Variants in SLCO1C1 observed in about 807,000 individuals in gnomAD.
SLCO1C1 encodes the protein solute carrier organic anion transporter family member 1C1, also known as OAT-RP-5.
A neutral mutation model predicts 76.4 loss-of-function variants in SLCO1C1; 70 were observed. That is an observed-to-expected ratio of 0.92 (90% CI 0.76 to 1.12). SLCO1C1 has a LOEUF of 1.12. Ranked by LOEUF, SLCO1C1 falls within the 50% of genes most tolerant of loss-of-function variation. The pLI is 0.00. For missense variants in SLCO1C1, 912 were observed against 823.8 expected, an observed-to-expected ratio of 1.11 and a Z score of -1.31; for synonymous variants, 306 against 286.1, an observed-to-expected ratio of 1.07 and a Z score of -0.70.
intron 1 of SLCO1C1, among the ~76,000 whole-genome samples, chr12:20,698,267 TTCAC>T (rs1392275483): frequency 2.0e-5 from 3 of 151,432 alleles, no homozygotes; most frequent in Non-Finnish European, 4.4e-5. Context: ...ATTTTTCTCT[TTCAC>T]TCACTCTTCT....
At chr12:20,717,903 C>T (rs545149405) in intron 7 of SLCO1C1, among the ~76,000 whole-genome samples, 2 of 151,662 alleles carry the variant, frequency 1.3e-5, no homozygotes, top group South Asian at 2.1e-4. Flanking sequence ...CCAAGAGATC[C>T]GTTATAAACT....
intron 13 of SLCO1C1, 54 bp downstream of exon 13, chr12:20,743,423 G>A: frequency 7.1e-7 from 1 of 1,406,244 alleles, no homozygotes; most frequent in Non-Finnish European, 9.9e-7. Flanking sequence ...GTATTTTGAA[G>A]ACTTTTCTAA....
chr12:20,700,925 G>A (rs181341466), intron 2 of SLCO1C1, among the ~76,000 whole-genome samples: 22 of 152,046 alleles, frequency 1.4e-4, no homozygotes, highest in Middle Eastern at 6.8e-3. Flanking sequence ...CCCAAGTGCT[G>A]GACTTGTTAT....
At chr12:20,711,611 G>A (rs1313656523) in intron 5 of SLCO1C1, 101 bp downstream of exon 5, 1 of 1,257,796 alleles carries the variant, frequency 8.0e-7, no homozygotes, top group Non-Finnish European at 1.1e-6. Context: ...GCTCCCAAAA[G>A]CTTTACTACT....
intron 1 of SLCO1C1, 123 bp downstream of exon 1, chr12:20,695,930 T>C (rs1241063525): frequency 6.6e-6 from 1 of 152,080 alleles, no homozygotes; most frequent in East Asian, 1.9e-4. Flanking sequence ...AAGGTGATGA[T>C]CCCCTCATTA....
chr12:20,750,934 A>C (rs543266467), intron 14 of SLCO1C1, 142 bp downstream of exon 14: 2 of 1,446,206 alleles, frequency 1.4e-6, no homozygotes, highest in South Asian at 2.5e-5. Flanking sequence ...ATCTGTAGTC[A>C]TAGAATAATT....
At chr12:20,704,027 T>TA (rs1201197858) in intron 3 of SLCO1C1, among the ~76,000 whole-genome samples, 1 of 150,938 alleles carries the variant, frequency 6.6e-6, no homozygotes, top group Non-Finnish European at 1.5e-5. Flanking sequence ...AAGAATATGT[T>TA]ACTTTAAAGT....
Position 20,752,306 on chromosome 12 carries a change from A to G in SLCO1C1, c.1917A>G (p.Arg639=), listed in dbSNP as rs778242811. Residue 639 remains arginine (R), a splice_region_variant and synonymous_variant, in exon 15 of 15, where the codon AGA becomes AGG. Coordinates refer to ENST00000266509, the MANE Select transcript of SLCO1C1 (RefSeq NM_017435.5). ...TAACAGAGATTCTCTCTTCTTCTAG[A>G]CATATATATCTGGGACTAACTGTGA... is the stretch of plus-strand genomic sequence containing the variant. The part of the protein sequence containing the change: ...SCRLYDSNVF[R]HIYLGLTVIL... 4 of 1,549,368 alleles carry G rather than the reference A, an allele frequency of 2.6e-6. No individual in the cohort carries two copies. Among genetic ancestry groups the G allele is most frequent in the Non-Finnish European group, 3.5e-6 (4 of 1,141,676 alleles).
intron 9 of SLCO1C1, among the ~76,000 whole-genome samples, chr12:20,723,692 T>A (rs1394116650): frequency 6.6e-6 from 1 of 152,174 alleles, no homozygotes; most frequent in African/African-American, 2.4e-5. Flanking sequence ...CAAAGGGTTG[T>A]GTTTCTAGCA....
chr12:20,745,294 G>A (rs1199570972), intron 13 of SLCO1C1, among the ~76,000 whole-genome samples: 2 of 152,098 alleles, frequency 1.3e-5, no homozygotes, highest in Admixed American at 6.5e-5. Context: ...AACTGAAACT[G>A]TTTAACATAA....
intron 9 of SLCO1C1, among the ~76,000 whole-genome samples, chr12:20,726,223 C>A (rs1222592223): frequency 6.6e-6 from 1 of 151,004 alleles, no homozygotes; most frequent in Non-Finnish European, 1.5e-5. Flanking sequence ...TCTTTCTTTT[C>A]TTCTTCTATT....
chr12:20,736,990 A>G (rs1007568625), intron 10 of SLCO1C1, 117 bp from the exon 11 acceptor site: 7 of 898,006 alleles, frequency 7.8e-6, no homozygotes, highest in Non-Finnish European at 1.1e-5. Flanking sequence ...CTGTGTTTCT[A>G]AAAGGCAAAT....
At chr12:20,743,147 G>A (rs532718258) in intron 12 of SLCO1C1, among the ~76,000 whole-genome samples, 158 bp from the exon 13 acceptor site, 5 of 152,188 alleles carry the variant, frequency 3.3e-5, no homozygotes, top group South Asian at 4.1e-4. Flanking sequence ...TGGCTTTTAC[G>A]TATTTTGCCC....
chr12:20,742,230 T>A (rs1948847432), intron 12 of SLCO1C1, among the ~76,000 whole-genome samples: 2 of 152,168 alleles, frequency 1.3e-5, no homozygotes, highest in Admixed American at 6.6e-5. Flanking sequence ...TAGAATCAGG[T>A]TGCTTACCAC....
At chr12:20,740,426 T>A in intron 12 of SLCO1C1, 58 bp downstream of exon 12, 1 of 1,483,470 alleles carries the variant, frequency 6.7e-7, no homozygotes, top group Non-Finnish European at 9.1e-7. Flanking sequence ...TCTCGAGCAA[T>A]GATTTAAATT....
At chr12:20,751,178 T>C (rs1028335443) in intron 14 of SLCO1C1, among the ~76,000 whole-genome samples, 1 of 152,166 alleles carries the variant, frequency 6.6e-6, no homozygotes, top group Non-Finnish European at 1.5e-5. Flanking sequence ...CTGTACCACT[T>C]ACGTCAGATA....
intron 9 of SLCO1C1, among the ~76,000 whole-genome samples, chr12:20,726,457 T>C (rs1948003204): frequency 1.3e-5 from 2 of 152,124 alleles, no homozygotes; most frequent in African/African-American, 4.8e-5. Context: ...TTTTAAATGT[T>C]AGCCACATTC....
chr12:20,714,652 A>G (rs1455875802), intron 5 of SLCO1C1, among the ~76,000 whole-genome samples: 1 of 152,252 alleles, frequency 6.6e-6, no homozygotes, highest in Non-Finnish European at 1.5e-5. Context: ...AATATCAACC[A>G]TATAAAAATT....
intron 13 of SLCO1C1, among the ~76,000 whole-genome samples, chr12:20,745,056 T>C (rs1948979978): frequency 1.3e-5 from 2 of 152,180 alleles, no homozygotes; most frequent in Non-Finnish European, 2.9e-5. Context: ...AAGGTGGAAA[T>C]ATTATATGCA....
Sources: gnomAD v4.1 joint callset for allele counts (sites outside exome capture counted in the v4.1 genomes callset) on GRCh38, gnomAD v4.1.1 for gene constraint, MANE v1.5 for transcripts, NCBI Gene and HGNC (gene_info 2026-07-23, HGNC 2026-07-21) for gene names.